NKAIN3: variants seen among roughly 807,000 people sequenced by gnomAD.
NKAIN3 encodes the protein sodium/potassium-transporting ATPase subunit beta-1-interacting protein 3.
Under a neutral mutation model 30.2 loss-of-function variants are expected in NKAIN3, and 25 were observed. The ratio of observed to expected loss-of-function variants is 0.83; its 90% CI spans 0.60 to 1.16. NKAIN3 has a LOEUF of 1.16. NKAIN3 is among the 50% of genes most tolerant of loss of function. NKAIN3 has a pLI of 0.00. For synonymous variants in NKAIN3, 91 were observed against 89.6 expected (o/e 1.02, Z -0.09); for missense variants, 225 against 254.1 (o/e 0.89, Z 0.78).
At chr8:62,727,359 A>G (rs1275770084) in intron 3 of NKAIN3, among the ~76,000 whole-genome samples, 2 of 152,164 alleles carry the variant, frequency 1.3e-5, no homozygotes, top group Non-Finnish European at 2.9e-5. Flanking sequence ...AGGCAGTAAG[A>G]CAACAAAAGG....
intron 4 of NKAIN3, chr8:62,855,808 C>T (rs1394628152): frequency 1.0e-6 from 1 of 965,202 alleles, no homozygotes; most frequent in African/African-American, 1.6e-5. Context: ...AGTAAAAAGA[C>T]AAGCTGGAAT....
At chr8:62,535,378 A>G (rs1447369520) in intron 1 of NKAIN3, among the ~76,000 whole-genome samples, 1 of 152,038 alleles carries the variant, frequency 6.6e-6, no homozygotes, top group Non-Finnish European at 1.5e-5. Flanking sequence ...CTCTAATTCA[A>G]TTCTGACTTT....
intron 1 of NKAIN3, among the ~76,000 whole-genome samples, chr8:62,337,303 G>A (rs1815588116): frequency 6.6e-6 from 1 of 151,988 alleles, no homozygotes; most frequent in Admixed American, 6.6e-5. Flanking sequence ...CCCGGAAATG[G>A]TATCAGATAA....
chr8:62,915,916 A>C (rs1822085882), intron 4 of NKAIN3, among the ~76,000 whole-genome samples: 1 of 152,256 alleles, frequency 6.6e-6, no homozygotes, highest in African/African-American at 2.4e-5. Flanking sequence ...AATTCACAAA[A>C]TAAAAAACAT....
chr8:62,323,425 G>T (rs371906470), intron 1 of NKAIN3, among the ~76,000 whole-genome samples: 2 of 152,208 alleles, frequency 1.3e-5, no homozygotes, highest in Admixed American at 6.5e-5. Flanking sequence ...AAATGAGGTG[G>T]ATTACATAAG....
rs1824139707 is a variant in NKAIN3, at chr8:62,983,705, A to G, written c.*18298A>G. Reference sequence around the variant, plus strand: ...TCTGGATGAAGGAGCAAATGGACAAAATAAGCCCCCTCTTGCTCAGGACCT... The same window carrying G: ...TCTGGATGAAGGAGCAAATGGACAAGATAAGCCCCCTCTTGCTCAGGACCT... On this transcript the variant is annotated 3_prime_UTR_variant, in exon 7 of 7. Transcript: ENST00000623646. The G allele has an allele frequency of 6.6e-6, 1 of 152,188 alleles. No individual in the cohort carries two copies. The highest frequency in any genetic ancestry group is 1.5e-5 in the Non-Finnish European group (1 of 68,046). The allele number at this position is 152,188 out of a possible 1,614,324, so 9.4% of individuals were successfully genotyped here. A position where few individuals can be genotyped will look rare whatever the true frequency, so the allele number is the denominator to read the frequency against.
At chr8:62,733,998 A>C (rs975242214) in intron 3 of NKAIN3, among the ~76,000 whole-genome samples, 1 of 152,112 alleles carries the variant, frequency 6.6e-6, no homozygotes, top group Non-Finnish European at 1.5e-5. Context: ...GAACATTTTA[A>C]GGGCTGGGTA....
At chr8:62,898,895 T>C (rs1821517658) in intron 4 of NKAIN3, among the ~76,000 whole-genome samples, 2 of 152,122 alleles carry the variant, frequency 1.3e-5, no homozygotes. Context: ...AAAACTCCAA[T>C]TATCCAGTTA....
intron 2 of NKAIN3, among the ~76,000 whole-genome samples, chr8:62,588,027 A>G (rs911165541): frequency 2.6e-5 from 4 of 151,932 alleles, no homozygotes; most frequent in Admixed American, 2.6e-4. Context: ...TGGTTTTGTA[A>G]TTAATTTAGT....
At chr8:62,485,407 G>A (rs1806867391) in intron 1 of NKAIN3, among the ~76,000 whole-genome samples, 1 of 152,064 alleles carries the variant, frequency 6.6e-6, no homozygotes, top group South Asian at 2.1e-4. Flanking sequence ...GCACTAATAT[G>A]CTAAATCCTG....
chr8:62,472,028 TAA>T (rs55865884), intron 1 of NKAIN3, among the ~76,000 whole-genome samples: 4 of 140,426 alleles, frequency 2.8e-5, no homozygotes, highest in Admixed American at 7.1e-5. Context: ...AGACTCTGTT[TAA>T]AAAAAAAAAA....
intron 4 of NKAIN3, among the ~76,000 whole-genome samples, chr8:62,807,385 A>AT (rs1297756144): frequency 3.3e-5 from 5 of 152,088 alleles, no homozygotes; most frequent in Non-Finnish European, 5.9e-5. Flanking sequence ...TAGATTACAG[A>AT]TTTTTTAAAT....
intron 1 of NKAIN3, among the ~76,000 whole-genome samples, chr8:62,402,616 C>T (rs1414755156): frequency 1.3e-5 from 2 of 152,142 alleles, no homozygotes; most frequent in African/African-American, 2.4e-5. Flanking sequence ...CATTCTTCTC[C>T]GTCCTGCCGC....
chr8:62,855,381 C>G (rs781627662), intron 4 of NKAIN3: 156 of 771,772 alleles, frequency 2.0e-4, no homozygotes, highest in Non-Finnish European at 3.1e-4. Flanking sequence ...AGCATGGGCA[C>G]AGTGAAATTG....
At chr8:62,588,097 C>CT (rs1277907365) in intron 2 of NKAIN3, among the ~76,000 whole-genome samples, 1 of 151,648 alleles carries the variant, frequency 6.6e-6, no homozygotes, top group Non-Finnish European at 1.5e-5. Flanking sequence ...TTTTCAATGG[C>CT]TTTTTTCTCT....
At chr8:62,528,340 A>ATATT (rs1808380439) in intron 1 of NKAIN3, among the ~76,000 whole-genome samples, 1 of 27,674 alleles carries the variant, frequency 3.6e-5, no homozygotes. Context: ...TATATTATAT[A>ATATT]ATATATATAT....
At chr8:62,503,566 C>G (rs939860915) in intron 1 of NKAIN3, among the ~76,000 whole-genome samples, 2 of 152,000 alleles carry the variant, frequency 1.3e-5, no homozygotes, top group African/African-American at 4.8e-5. Flanking sequence ...GAGACCAGGG[C>G]GTATCTCAGT....
intron 4 of NKAIN3, among the ~76,000 whole-genome samples, chr8:62,859,625 T>C (rs999164019): frequency 4.0e-5 from 6 of 151,482 alleles, no homozygotes; most frequent in Non-Finnish European, 7.4e-5. Context: ...TGTGCATGCG[T>C]GTGTGTGTGC....
intron 4 of NKAIN3, among the ~76,000 whole-genome samples, chr8:62,770,479 C>G (rs1816976510): frequency 6.6e-6 from 1 of 152,172 alleles, no homozygotes; most frequent in African/African-American, 2.4e-5. Flanking sequence ...TCATGGGGGC[C>G]TACTTCCTAA....
Sources: allele counts gnomAD v4.1 joint callset (sites outside exome capture counted in the v4.1 genomes callset), GRCh38; gene constraint gnomAD v4.1.1; transcripts MANE v1.5; gene names NCBI Gene and HGNC (gene_info 2026-07-23, HGNC 2026-07-21).